Variants in GRIN2A observed in about 807,000 individuals in gnomAD.
The protein encoded by GRIN2A is glutamate ionotropic receptor NMDA type subunit 2A, also known as glutamate receptor ionotropic, NMDA 2A.
In GRIN2A, 22 loss-of-function variants were observed where a neutral mutation model predicts 113.4. The observed-to-expected ratio is 0.19, with a 90% CI of 0.14 to 0.28. The LOEUF (loss-of-function observed/expected upper bound fraction) is 0.28. GRIN2A is among the 10% of genes least tolerant of loss of function. The pLI, the probability that GRIN2A is intolerant of heterozygous loss-of-function variation, is 1.00. For missense variants in GRIN2A, 1,502 were observed against 1,887.0 expected (o/e 0.80, Z 3.78); for synonymous variants, 827 against 738.4 (o/e 1.12, Z -1.94).
chr16:9,977,411 G>C (rs1023096708), intron 2 of GRIN2A, among the ~76,000 whole-genome samples: 2 of 152,116 alleles, frequency 1.3e-5, no homozygotes, highest in Non-Finnish European at 2.9e-5. Flanking sequence ...TTCCTAATCT[G>C]TAAAACTGAA....
intron 3 of GRIN2A, among the ~76,000 whole-genome samples, chr16:9,908,997 G>T (rs2044081652): frequency 2.0e-5 from 3 of 152,158 alleles, no homozygotes; most frequent in South Asian, 4.1e-4. Context: ...AGGAGACAGG[G>T]AGTGTTATTA....
chr16:9,780,664 T>A (rs1391725266), intron 11 of GRIN2A, among the ~76,000 whole-genome samples: 1 of 152,172 alleles, frequency 6.6e-6, no homozygotes, highest in Admixed American at 6.5e-5. Flanking sequence ...ATTAACTGGA[T>A]ATTGGGATTT....
intron 11 of GRIN2A, among the ~76,000 whole-genome samples, chr16:9,795,172 G>C (rs1350903943): frequency 6.6e-6 from 1 of 152,134 alleles, no homozygotes; most frequent in African/African-American, 2.4e-5. Context: ...GGCATTCTAA[G>C]TCACAAGATG....
At chr16:10,154,186 A>T (rs889190380) in intron 2 of GRIN2A, among the ~76,000 whole-genome samples, 4 of 152,204 alleles carry the variant, frequency 2.6e-5, no homozygotes, top group African/African-American at 9.6e-5. Context: ...ACACCACAAC[A>T]ACCAGCCATG....
intron 2 of GRIN2A, among the ~76,000 whole-genome samples, chr16:10,091,816 G>A (rs2048189654): frequency 6.6e-6 from 1 of 152,134 alleles, no homozygotes; most frequent in African/African-American, 2.4e-5. Flanking sequence ...TTCCAGAAAA[G>A]GAAAATCTAT....
At chr16:9,784,453 A>C (rs1279820377) in intron 11 of GRIN2A, among the ~76,000 whole-genome samples, 2 of 149,170 alleles carry the variant, frequency 1.3e-5, no homozygotes, top group Non-Finnish European at 3.0e-5. Flanking sequence ...AAAAAAAAAA[A>C]CAAACAAACA....
At chr16:10,050,590 A>G (rs894106930) in intron 2 of GRIN2A, among the ~76,000 whole-genome samples, 3 of 151,950 alleles carry the variant, frequency 2.0e-5, no homozygotes, top group African/African-American at 7.3e-5. Context: ...ATCTAGTTGC[A>G]GGAAAACAAG....
chr16:10,101,262 C>G (rs1165881261), intron 2 of GRIN2A, among the ~76,000 whole-genome samples: 3 of 152,196 alleles, frequency 2.0e-5, no homozygotes, highest in African/African-American at 4.8e-5. Context: ...TTCCCAGGTA[C>G]TTATGCCCTC....
chr16:9,951,562 A>G (rs1380546534), intron 2 of GRIN2A, among the ~76,000 whole-genome samples: 2 of 152,222 alleles, frequency 1.3e-5, no homozygotes, highest in Non-Finnish European at 2.9e-5. Flanking sequence ...AGCTCAAAAG[A>G]AGAGGATGAA....
At chr16:9,871,457 C>T (rs1326465335) in intron 4 of GRIN2A, among the ~76,000 whole-genome samples, 9 of 150,536 alleles carry the variant, frequency 6.0e-5, no homozygotes, top group Non-Finnish European at 1.2e-4. Context: ...GGTAAAACAA[C>T]CCTAAAAGTG....
At chr16:9,949,490 G>C (rs1596354633) in intron 2 of GRIN2A, among the ~76,000 whole-genome samples, 1 of 151,704 alleles carries the variant, frequency 6.6e-6, no homozygotes, top group Admixed American at 6.6e-5. Context: ...TGGATAGATG[G>C]ATAGGGTAGA....
Position 9,930,719 on chromosome 16 carries a change from T to C in GRIN2A, c.1007+7240A>G, listed in dbSNP as rs1045559498. ...AGAGAATTAACTGAGCAGGCATTTC[T>C]ATTGGCATTACAAAAAACCAACAGT... On this transcript the variant is annotated intron_variant, in intron 3 of 12. Transcript: ENST00000330684. 3.9e-5 allele frequency among the ~76,000 whole-genome samples: 6 copies of C among 152,338 alleles called. No individual in the cohort carries two copies. The South Asian group carries it at 6.2e-4, about 16-fold the overall frequency.
intron 3 of GRIN2A, among the ~76,000 whole-genome samples, chr16:9,899,096 C>T (rs1334997777): frequency 6.6e-6 from 1 of 151,966 alleles, no homozygotes; most frequent in Non-Finnish European, 1.5e-5. Flanking sequence ...GTTTCCTGTT[C>T]CCCGTGAACA....
intron 2 of GRIN2A, among the ~76,000 whole-genome samples, chr16:9,965,562 G>A (rs958178154): frequency 6.6e-6 from 1 of 152,060 alleles, no homozygotes; most frequent in Admixed American, 6.5e-5. Flanking sequence ...TAATTTCCTC[G>A]ACACTTGAAG....
chr16:10,131,960 A>G (rs1043452808), intron 2 of GRIN2A, among the ~76,000 whole-genome samples: 1 of 152,052 alleles, frequency 6.6e-6, no homozygotes, highest in Non-Finnish European at 1.5e-5. Context: ...TTTTACCACC[A>G]TTATTCTCCT....
intron 2 of GRIN2A, among the ~76,000 whole-genome samples, chr16:10,117,435 GATGGTGA>G (rs1348112701): frequency 2.6e-5 from 4 of 152,204 alleles, no homozygotes; most frequent in South Asian, 2.1e-4. Flanking sequence ...GCTGAAGCTG[GATGGTGA>G]GTATAGGAGA....
At chr16:10,090,593 T>A (rs2048167530) in intron 2 of GRIN2A, among the ~76,000 whole-genome samples, 1 of 151,616 alleles carries the variant, frequency 6.6e-6, no homozygotes, top group African/African-American at 2.4e-5. Context: ...GAAAAAAAAA[T>A]TAGAGAAAAC....
intron 4 of GRIN2A, among the ~76,000 whole-genome samples, chr16:9,867,127 C>T (rs2043174039): frequency 6.6e-6 from 1 of 152,144 alleles, no homozygotes; most frequent in Non-Finnish European, 1.5e-5. Flanking sequence ...CTTTGTCTTC[C>T]TATCACACCC....
intron 2 of GRIN2A, among the ~76,000 whole-genome samples, chr16:9,970,319 G>T (rs537723796): frequency 2.2e-3 from 336 of 152,312 alleles, no homozygotes; most frequent in African/African-American, 7.7e-3. Context: ...GGAGCTTGGA[G>T]ATTATTTCTT....
Sources: allele counts gnomAD v4.1 joint callset (sites outside exome capture counted in the v4.1 genomes callset), GRCh38; gene constraint gnomAD v4.1.1; transcripts MANE v1.5; gene names NCBI Gene and HGNC (gene_info 2026-07-23, HGNC 2026-07-21).